The following OSBP2 variants were observed in gnomAD, a reference collection of about 807,000 sequenced individuals.
OSBP2 encodes the protein oxysterol-binding protein 2.
Under a neutral mutation model 96.0 loss-of-function variants are expected in OSBP2, and 66 were observed. That is an observed-to-expected ratio of 0.69 (90% CI 0.56 to 0.84). OSBP2 has a LOEUF of 0.84. OSBP2 is among the 40% of genes least tolerant of loss of function. The probability of loss-of-function intolerance (pLI) is 0.00; values close to 1 mark genes in which losing one functional copy is unlikely to be tolerated. For missense variants in OSBP2, 1,038 were observed against 1,222.7 expected (o/e 0.85, Z 2.25); for synonymous variants, 525 against 520.9 (o/e 1.01, Z -0.11).
At chr22:30,869,748 G>A (rs5749184) in intron 2 of OSBP2, among the ~76,000 whole-genome samples, 53,039 of 151,876 alleles carry the variant, frequency 0.35, 9,781 homozygotes, top group African/African-American at 0.46. Flanking sequence ...TGTTGCCCAG[G>A]CTCTTTTGGC....
At position 30,881,452 on chromosome 22, in the gene OSBP2, G is replaced by A. The variant is rs904558106; in HGVS notation, c.1108-5974G>A. ...TAAACAATTCAGGACACAAATGTGC[G>A]GGTAGGGGGCTTCAGGTCAGCCCGT... On this transcript the variant is annotated intron_variant, in intron 3 of 13. Coordinates refer to ENST00000332585, the MANE Select transcript of OSBP2 (RefSeq NM_030758.4). The surrounding 1 kb of genome is among the most constrained non-coding windows in gnomAD (Gnocchi z 4.5). 3.3e-5 allele frequency among the ~76,000 whole-genome samples: 5 copies of A among 152,158 alleles called. No individual in the cohort carries two copies. Among genetic ancestry groups the A allele is most frequent in the African/African-American group, 9.7e-5 (4 of 41,418 alleles).
rs2040334498 is a variant in OSBP2, at chr22:30,906,205, G to A, written c.2617G>A (p.Ala873Thr). ...CTGTGCCTGCCCAGCAGAGAAGGAG[G>A]CGGATGCCTACACGCCACTGTGGTT... is the stretch of plus-strand genomic sequence containing the variant. ...SSCSSEEEKE[A>T]DAYTPLWFEK... Residue 873 changes from alanine (A) to threonine (T), a missense_variant, in exon 14 of 14, where the codon GCG becomes ACG. Ala to Thr is a moderately conservative substitution (Grantham distance 58). This residue lies in a region of OSBP2 where 737 missense variants were observed against 913.3 expected (regional missense o/e 0.81). Coordinates refer to ENST00000332585, the MANE Select transcript of OSBP2 (RefSeq NM_030758.4). 1 of 1,613,944 alleles carries A rather than the reference G, an allele frequency of 6.2e-7. No homozygotes were observed. Among genetic ancestry groups the A allele is most frequent in the Non-Finnish European group, 8.5e-7 (1 of 1,180,036 alleles).
At chr22:30,730,013 C>T (rs941182948) in intron 1 of OSBP2, among the ~76,000 whole-genome samples, 1 of 151,830 alleles carries the variant, frequency 6.6e-6, no homozygotes, top group African/African-American at 2.4e-5. Context: ...GGCTGGAGTG[C>T]AGTGGCACAA....
chr22:30,840,144 G>A (rs2038718582), intron 2 of OSBP2, among the ~76,000 whole-genome samples: 1 of 148,326 alleles, frequency 6.7e-6, no homozygotes, highest in Non-Finnish European at 1.5e-5. Context: ...CACCAACATG[G>A]CACATGTATA....
In OSBP2 at chr22:30,784,239, GATTT is replaced by G. The variant is rs113982370; in HGVS notation, c.853+42886_853+42889del. Among the ~76,000 whole-genome samples the G allele has an allele frequency of 3.4e-4, 50 of 149,250 alleles. 1 individual carries two copies. Among genetic ancestry groups the G allele is most frequent in the East Asian group, 2.8e-3 (14 of 5,072 alleles). On this transcript the variant is annotated intron_variant, in intron 2 of 13. Coordinates refer to ENST00000332585, the MANE Select transcript of OSBP2 (RefSeq NM_030758.4). Reference sequence around the variant, plus strand: ...AAAGAAGGAACCATTCAACAAGTGTGATTTATTTATTTATTTATTAATTTATTTA... The same window carrying G: ...AAAGAAGGAACCATTCAACAAGTGTGATTTATTTATTTATTAATTTATTTA...
intron 2 of OSBP2, among the ~76,000 whole-genome samples, chr22:30,843,451 T>C (rs1075337): frequency 0.58 from 64,519 of 110,318 alleles, 15,186 homozygotes; most frequent in African/African-American, 0.7. Context: ...CTTTCCCCCC[T>C]CCCCCTTGAG....
intron 2 of OSBP2, among the ~76,000 whole-genome samples, chr22:30,819,264 G>A (rs2091119001): frequency 6.6e-6 from 1 of 152,216 alleles, no homozygotes; most frequent in Non-Finnish European, 1.5e-5. Context: ...GAACCCGGGA[G>A]GCAGAGGTTA....
At chr22:30,795,794 C>T (rs188159033) in intron 2 of OSBP2, among the ~76,000 whole-genome samples, 1 of 152,362 alleles carries the variant, frequency 6.6e-6, no homozygotes, top group East Asian at 1.9e-4. Flanking sequence ...GCTGGGATTA[C>T]AGGCATGAGC....
At chr22:30,896,923 T>C (rs2040080758) in intron 12 of OSBP2, among the ~76,000 whole-genome samples, 1 of 152,134 alleles carries the variant, frequency 6.6e-6, no homozygotes, top group Non-Finnish European at 1.5e-5. Flanking sequence ...GCTGGGATTA[T>C]AGGCACAAGC....
intron 2 of OSBP2, among the ~76,000 whole-genome samples, chr22:30,869,115 A>AC (rs559328665): frequency 9.4e-4 from 142 of 151,736 alleles, no homozygotes; most frequent in African/African-American, 3.3e-3. Context: ...GTGGTGCGCC[A>AC]CCCCCCAGAG....
chr22:30,717,186 A>G, intron 1 of OSBP2, among the ~76,000 whole-genome samples: 1 of 149,604 alleles, frequency 6.7e-6, no homozygotes, highest in Non-Finnish European at 1.5e-5. Context: ...CCTGGCCTCA[A>G]GTGATTCTCC....
intron 12 of OSBP2, among the ~76,000 whole-genome samples, chr22:30,905,452 C>G (rs2147201383): frequency 6.6e-6 from 1 of 150,986 alleles, no homozygotes; most frequent in South Asian, 2.1e-4. Context: ...GAGACCCTGT[C>G]TTAAAAAAGC....
chr22:30,889,267 G>GCT, intron 6 of OSBP2, 33 bp downstream of exon 6: 1 of 1,598,358 alleles, frequency 6.3e-7, no homozygotes, highest in Non-Finnish European at 8.5e-7. Flanking sequence ...AGGGCCAGAA[G>GCT]GCAGCTTCTG....
At chr22:30,875,223 C>A (rs570843139) in intron 3 of OSBP2, among the ~76,000 whole-genome samples, 1 of 152,294 alleles carries the variant, frequency 6.6e-6, no homozygotes, top group Non-Finnish European at 1.5e-5. Context: ...CCCGCACCCC[C>A]CTGCACTCCC....
chr22:30,875,375 T>TTTTTTTTTTTTTTTTTTTTTTTG, intron 3 of OSBP2, among the ~76,000 whole-genome samples: 1 of 149,518 alleles, frequency 6.7e-6, no homozygotes. Flanking sequence ...TCTTTGTTGT[T>TTTTTTTTTTTTTTTTTTTTTTTG]TTTTTTTTTT....
intron 2 of OSBP2, among the ~76,000 whole-genome samples, chr22:30,807,862 T>A (rs1033715193): frequency 2.0e-5 from 3 of 152,216 alleles, no homozygotes; most frequent in Admixed American, 6.5e-5. Context: ...TACACTTCAC[T>A]GTAGCCTCAA....
chr22:30,846,124 A>G (rs984465323), intron 2 of OSBP2, among the ~76,000 whole-genome samples: 6 of 151,940 alleles, frequency 3.9e-5, no homozygotes, highest in Non-Finnish European at 5.9e-5. Flanking sequence ...AAGTGATCAT[A>G]TCATTTTATT....
chr22:30,872,406 C>A (rs972687912), intron 3 of OSBP2: 1 of 456,198 alleles, frequency 2.2e-6, no homozygotes, highest in African/African-American at 2.0e-5. Flanking sequence ...AGATAATGAG[C>A]GTCTCAGCTG....
At position 30,758,275 on chromosome 22, in the gene OSBP2, G is replaced by A. The variant is rs150413914; in HGVS notation, c.853+16906G>A. On this transcript the variant is annotated intron_variant, in intron 2 of 13. Coordinates refer to ENST00000332585, the MANE Select transcript of OSBP2 (RefSeq NM_030758.4). ...AAATTAGCCGGGTGTGGTGGCGCAC[G>A]CTTGTAGTCCAGCTACTGGGGAGGC... 4.2e-3 allele frequency among the ~76,000 whole-genome samples: 632 copies of A among 152,138 alleles called. 10 individuals are homozygous for A. Among genetic ancestry groups the A allele is most frequent in the Admixed American group, 0.022 (331 of 15,266 alleles).
Sources: gnomAD v4.1 joint callset for allele counts (sites outside exome capture counted in the v4.1 genomes callset) on GRCh38, gnomAD v4.1.1 for gene constraint, gnomAD v4.1.1 regional missense constraint, Gnocchi (gnomAD v3.1) non-coding constraint, MANE v1.5 for transcripts, NCBI Gene and HGNC (gene_info 2026-07-23, HGNC 2026-07-21) for gene names.